Variants in CSTPP1 observed in about 807,000 individuals in gnomAD.
CSTPP1 encodes the protein centriolar satellite-associated tubulin polyglutamylase complex regulator 1.
At chr11:47,054,038 G>A in the CSTPP1 span, among the ~76,000 whole-genome samples, 2 of 151,146 alleles carry the variant, frequency 1.3e-5, no homozygotes, top group Non-Finnish European at 3.0e-5. Flanking sequence ...AGCCGGGCAC[G>A]GTGACTCATG....
the CSTPP1 span, among the ~76,000 whole-genome samples, chr11:47,036,139 A>G: frequency 2.9e-5 from 1 of 34,400 alleles, no homozygotes; most frequent in African/African-American, 8.7e-5. Flanking sequence ...ATACAATATA[A>G]TATATAATAT....
chr11:47,147,192 G>A, the CSTPP1 span, among the ~76,000 whole-genome samples: 10 of 152,188 alleles, frequency 6.6e-5, no homozygotes, highest in African/African-American at 1.2e-4. Flanking sequence ...GGACACAAGT[G>A]TTTGTTATGT....
chr11:47,038,127 A>G, the CSTPP1 span, among the ~76,000 whole-genome samples: 1 of 11,670 alleles, frequency 8.6e-5, no homozygotes, highest in East Asian at 1.4e-3. Context: ...TCCCTCCCGG[A>G]TGGGGCGGCT....
At chr11:46,942,735 G>T in the CSTPP1 span, among the ~76,000 whole-genome samples, 2 of 151,842 alleles carry the variant, frequency 1.3e-5, no homozygotes, top group African/African-American at 4.8e-5. Context: ...ATATGAAGTG[G>T]GTACTCTTAC....
the CSTPP1 span, among the ~76,000 whole-genome samples, chr11:47,125,865 A>C: frequency 6.6e-6 from 1 of 152,128 alleles, no homozygotes; most frequent in Non-Finnish European, 1.5e-5. Context: ...AAAAATACAA[A>C]AATTAGCCGG....
chr11:47,024,040 A>C, the CSTPP1 span, among the ~76,000 whole-genome samples: 1 of 151,858 alleles, frequency 6.6e-6, no homozygotes, highest in African/African-American at 2.4e-5. Context: ...TTTATGTTTA[A>C]GTTATTGTGT....
the CSTPP1 span, among the ~76,000 whole-genome samples, chr11:47,007,187 C>T: frequency 6.6e-6 from 1 of 151,628 alleles, no homozygotes. Flanking sequence ...CGCCCACCAC[C>T]GTGGCTGGCT....
chr11:47,161,495 G>A, the CSTPP1 span: 3 of 1,613,938 alleles, frequency 1.9e-6, no homozygotes, highest in African/African-American at 4.0e-5. Flanking sequence ...GGTCAACTCG[G>A]TCACAGCCAG....
the CSTPP1 span, among the ~76,000 whole-genome samples, chr11:46,941,579 A>T: frequency 6.6e-6 from 1 of 152,142 alleles, no homozygotes; most frequent in East Asian, 1.9e-4. Flanking sequence ...ACCTCAGGTG[A>T]TCCACCCACC....
the CSTPP1 span, among the ~76,000 whole-genome samples, chr11:47,152,242 C>CG: frequency 7.3e-6 from 1 of 136,270 alleles, no homozygotes; most frequent in Non-Finnish European, 1.6e-5. Context: ...GAGCAAGACT[C>CG]AAAAAAAAAA....
chr11:47,122,937 A>T, the CSTPP1 span, among the ~76,000 whole-genome samples: 767 of 152,312 alleles, frequency 5.0e-3, 6 homozygotes, highest in African/African-American at 0.018. Context: ...CGGTCCCCAA[A>T]CACTGAGTTA....
the CSTPP1 span, chr11:47,137,388 G>A: frequency 5.4e-5 from 80 of 1,490,822 alleles, 1 homozygote; most frequent in South Asian, 6.0e-5. Context: ...CTCTTCACCC[G>A]ACCAATTTTC....
At chr11:46,999,374 T>G in the CSTPP1 span, among the ~76,000 whole-genome samples, 2 of 152,158 alleles carry the variant, frequency 1.3e-5, no homozygotes, top group East Asian at 3.8e-4. Context: ...AAGATTAAAA[T>G]AGCTTCTTCA....
chr11:47,142,653 T>G, the CSTPP1 span, among the ~76,000 whole-genome samples: 1 of 151,970 alleles, frequency 6.6e-6, no homozygotes, highest in South Asian at 2.1e-4. Context: ...CTTATGAGAG[T>G]GAGGCTTCAA....
At chr11:47,044,966 T>G in the CSTPP1 span, among the ~76,000 whole-genome samples, 56 of 152,114 alleles carry the variant, frequency 3.7e-4, no homozygotes, top group Admixed American at 6.5e-4. Flanking sequence ...AGAAGTCAGT[T>G]TAAAGTACTG....
the CSTPP1 span, among the ~76,000 whole-genome samples, chr11:47,133,512 G>A: frequency 6.6e-5 from 10 of 152,238 alleles, no homozygotes; most frequent in Admixed American, 3.3e-4. Context: ...AGACCACGGT[G>A]TGGCCACCAG....
At chr11:47,009,049 T>C in the CSTPP1 span, among the ~76,000 whole-genome samples, 2 of 151,418 alleles carry the variant, frequency 1.3e-5, no homozygotes, top group African/African-American at 4.9e-5. Flanking sequence ...AAAAAAAATT[T>C]CCCTATCCAA....
At chr11:47,155,043 G>A in the CSTPP1 span, 1 of 776,052 alleles carries the variant, frequency 1.3e-6, no homozygotes, top group Non-Finnish European at 2.3e-6. Flanking sequence ...TGCCCCAGGG[G>A]AGACTGGCGG....
the CSTPP1 span, among the ~76,000 whole-genome samples, chr11:47,079,290 A>G: frequency 6.6e-6 from 1 of 152,240 alleles, no homozygotes; most frequent in East Asian, 1.9e-4. Context: ...ACCTGGATTC[A>G]GATAAAAGAA....
Sources: allele counts gnomAD v4.1 joint callset (sites outside exome capture counted in the v4.1 genomes callset), GRCh38; gene constraint gnomAD v4.1.1; transcripts MANE v1.5; gene names NCBI Gene and HGNC (gene_info 2026-07-23, HGNC 2026-07-21).